TRPM7: variants seen among roughly 807,000 people sequenced by gnomAD.
TRPM7 encodes the protein transient receptor potential cation channel subfamily M member 7.
A neutral mutation model predicts 229.7 loss-of-function variants in TRPM7; 134 were observed. The observed-to-expected ratio is 0.58, with a 90% confidence interval of 0.51 to 0.67. The LOEUF (loss-of-function observed/expected upper bound fraction) is 0.67. Ranked by LOEUF, TRPM7 falls within the 30% of genes least tolerant of loss-of-function variation. TRPM7 has a pLI of 0.00. For synonymous variants in TRPM7, 699 were observed against 715.2 expected (o/e 0.98, Z 0.36); for missense variants, 1,901 against 2,210.0 (o/e 0.86, Z 2.80).
chr15:50,620,402 A>T (rs1000503813), intron 12 of TRPM7, among the ~76,000 whole-genome samples: 29 of 152,122 alleles, frequency 1.9e-4, no homozygotes, highest in Admixed American at 1.6e-3. Context: ...GGCCCAGGAA[A>T]GCCAAAAGAT....
At chr15:50,566,658 T>C (rs2053611693) in intron 38 of TRPM7, among the ~76,000 whole-genome samples, 1 of 152,078 alleles carries the variant, frequency 6.6e-6, no homozygotes. Context: ...ATTACGCCAC[T>C]GCACTCCAGC....
In TRPM7 at chr15:50,631,606, T is replaced by C. The variant is rs2060735213; in HGVS notation, c.1132-117A>G. On this transcript the variant is annotated intron_variant, in intron 9 of 38. Coordinates refer to ENST00000646667, the MANE Select transcript of TRPM7 (RefSeq NM_017672.6). ...AAATATATATGTATGTATCTAGGAA[T>C]CTATGTATTATGTATATATAAACAT... The C allele has an allele frequency of 1.1e-5, 6 of 549,410 alleles. No individual in the cohort carries two copies. The Admixed American group carries it at 1.8e-4, about 16-fold the overall frequency. 34.0% of individuals were successfully genotyped at this position (549,410 alleles called of 1,614,324 possible). A position where few individuals can be genotyped will look rare whatever the true frequency, so the allele number is the denominator to read the frequency against.
chr15:50,668,159 G>C (rs1230184051), intron 1 of TRPM7, among the ~76,000 whole-genome samples: 1 of 152,102 alleles, frequency 6.6e-6, no homozygotes, highest in Admixed American at 6.6e-5. Context: ...GACTTTCACA[G>C]GTGCTCTTAA....
intron 19 of TRPM7, 34 bp from the exon 20 acceptor site, chr15:50,607,362 T>A: frequency 6.8e-7 from 1 of 1,478,638 alleles, no homozygotes; most frequent in Non-Finnish European, 9.1e-7. Context: ...TAAATAACAT[T>A]GGTTACAAAA....
intron 1 of TRPM7, among the ~76,000 whole-genome samples, chr15:50,676,062 T>C (rs1016978193): frequency 1.3e-5 from 2 of 152,234 alleles, no homozygotes; most frequent in South Asian, 2.1e-4. Context: ...GCACAATGCA[T>C]GGCACATAGT....
At chr15:50,636,256 G>A (rs1367410182) in intron 7 of TRPM7, among the ~76,000 whole-genome samples, 1 of 151,190 alleles carries the variant, frequency 6.6e-6, no homozygotes, top group Non-Finnish European at 1.5e-5. Flanking sequence ...CGCGATCTTG[G>A]CTCACCTCAC....
rs374061801 is a variant in TRPM7, at chr15:50,637,602, T to G, written c.661-9A>C. The G allele has an allele frequency of 1.2e-6, 2 of 1,607,264 alleles. No individual in the cohort carries two copies. The highest frequency in any genetic ancestry group is 2.2e-5 in the East Asian group (1 of 44,810). On this transcript the variant is annotated splice_polypyrimidine_tract_variant and intron_variant, in intron 6 of 38. Transcript: ENST00000646667. Reference sequence around the variant, plus strand: ...TGATAAGGAGCAACCACCTAAACAATAGCAAACAAAAGAGTTAGTGAGCAG... The same window carrying G: ...TGATAAGGAGCAACCACCTAAACAAGAGCAAACAAAAGAGTTAGTGAGCAG...
rs745779161 is a variant in TRPM7 at position 50,593,632 on chromosome 15, C to T, written c.3593G>A (p.Arg1198His). 45 of 1,611,488 alleles carry T rather than the reference C, an allele frequency of 2.8e-5. No homozygotes were observed. In the Admixed American group the frequency reaches 2.8e-4, roughly 10 times the overall value. Residue 1198 changes from arginine (R) to histidine (H), a missense_variant, in exon 25 of 39, where the codon CGT (arginine) becomes CAT (histidine). Arg to His is a conservative substitution (Grantham distance 29). Around this residue, in one of 8 missense-constraint regions of TRPM7, gnomAD observed 533 missense variants for 497.1 expected, o/e 1.07. Transcript: ENST00000646667. Reference protein sequence around the residue: ...KFHSGSEERIRVTFERVEQMC... With the variant: ...KFHSGSEERIHVTFERVEQMC... ...GCTTCTGAACCTTTCAAAAGTGACA[C>T]GAATTCTCTCTTCACTCCCAGAATG...
chr15:50,578,577 T>A (rs2054248953), intron 31 of TRPM7, 62 bp downstream of exon 31: 1 of 1,505,178 alleles, frequency 6.6e-7, no homozygotes, highest in African/African-American at 1.4e-5. Flanking sequence ...ATGTGGTGTT[T>A]GCTGTAACAG....
intron 11 of TRPM7, 40 bp downstream of exon 11, chr15:50,628,109 T>G: frequency 7.3e-7 from 1 of 1,371,832 alleles, no homozygotes; most frequent in Non-Finnish European, 1.0e-6. Flanking sequence ...TATTACTTAG[T>G]GTAATTTAAT....
intron 21 of TRPM7, among the ~76,000 whole-genome samples, chr15:50,602,772 T>C (rs1423976046): frequency 6.6e-6 from 1 of 152,136 alleles, no homozygotes; most frequent in Non-Finnish European, 1.5e-5. Flanking sequence ...GTAACCATTA[T>C]GAAACTTCCA....
chr15:50,580,994 A>G (rs1053427188), intron 29 of TRPM7, 86 bp from the exon 30 acceptor site: 1 of 1,401,866 alleles, frequency 7.1e-7, no homozygotes. Flanking sequence ...TTTTTTTCTT[A>G]TATTTTAAGA....
At chr15:50,628,752 T>C (rs1384509413) in intron 10 of TRPM7, among the ~76,000 whole-genome samples, 1 of 152,180 alleles carries the variant, frequency 6.6e-6, no homozygotes, top group Non-Finnish European at 1.5e-5. Context: ...ATATTCCCAT[T>C]CATTGCAAAC....
At chr15:50,607,174 T>C (rs768861244) in intron 20 of TRPM7, 26 bp downstream of exon 20, 9 of 1,591,786 alleles carry the variant, frequency 5.7e-6, no homozygotes, top group South Asian at 1.2e-5. Flanking sequence ...CAGTAAATTA[T>C]TGGTAGAAAA....
intron 31 of TRPM7, among the ~76,000 whole-genome samples, chr15:50,576,811 A>C (rs1156268310): frequency 2.0e-5 from 3 of 152,180 alleles, no homozygotes; most frequent in Non-Finnish European, 2.9e-5. Context: ...GGAATATCAA[A>C]TTGTTAAGAG....
At chr15:50,628,814 A>G (rs2060642149) in intron 10 of TRPM7, among the ~76,000 whole-genome samples, 1 of 152,254 alleles carries the variant, frequency 6.6e-6, no homozygotes, top group South Asian at 2.1e-4. Context: ...TGTTTCTATC[A>G]CAGAGATAGC....
At chr15:50,644,785 G>A (rs1420699077) in intron 4 of TRPM7, among the ~76,000 whole-genome samples, 5 of 104,612 alleles carry the variant, frequency 4.8e-5, no homozygotes, top group East Asian at 2.5e-4. Flanking sequence ...CAACAAGAGC[G>A]AAACTGCGTC....
At chr15:50,682,767 A>G (rs982697184) in intron 1 of TRPM7, among the ~76,000 whole-genome samples, 1 of 152,180 alleles carries the variant, frequency 6.6e-6, no homozygotes, top group Non-Finnish European at 1.5e-5. Flanking sequence ...GCAAAGCATC[A>G]TCTAAAAGTG....
chr15:50,598,685 A>G (rs1025951201), intron 22 of TRPM7, among the ~76,000 whole-genome samples: 1 of 152,240 alleles, frequency 6.6e-6, no homozygotes, highest in South Asian at 2.1e-4. Context: ...TTTCTATGAA[A>G]GGGACATTTT....
Sources: gnomAD v4.1 joint callset for allele counts (sites outside exome capture counted in the v4.1 genomes callset) on GRCh38, gnomAD v4.1.1 for gene constraint, gnomAD v4.1.1 regional missense constraint, MANE v1.5 for transcripts, NCBI Gene and HGNC (gene_info 2026-07-23, HGNC 2026-07-21) for gene names.